RBFOX1: variants seen among roughly 807,000 people sequenced by gnomAD.
The protein encoded by RBFOX1 is RNA binding protein fox-1 homolog 1.
Under a neutral mutation model 57.7 loss-of-function variants are expected in RBFOX1, and 8 were observed. The ratio of observed to expected loss-of-function variants is 0.14; its 90% CI spans 0.08 to 0.25. The LOEUF (loss-of-function observed/expected upper bound fraction) is 0.25. Ranked by LOEUF, RBFOX1 falls within the 10% of genes least tolerant of loss-of-function variation. The pLI, the probability that RBFOX1 is intolerant of heterozygous loss-of-function variation, is 1.00. For synonymous variants in RBFOX1, 326 were observed against 222.4 expected (o/e 1.47, Z -4.15); for missense variants, 611 against 548.5 (o/e 1.11, Z -1.14).
intron 2 of RBFOX1, among the ~76,000 whole-genome samples, chr16:6,318,330 A>T (rs760542740): frequency 5.9e-5 from 9 of 152,164 alleles, no homozygotes; most frequent in Non-Finnish European, 1.2e-4. Flanking sequence ...AGGCTTCGGC[A>T]TTTCTTGAAA....
chr16:5,626,033 CG>C (rs1567315129), intron 3 of RBFOX1, among the ~76,000 whole-genome samples: 1 of 152,168 alleles, frequency 6.6e-6, no homozygotes, highest in African/African-American at 2.4e-5. Context: ...TGTGCCACCA[CG>C]CCTGGCTAAT....
intron 3 of RBFOX1, among the ~76,000 whole-genome samples, chr16:6,950,996 T>C (rs4786132): frequency 0.15 from 22,034 of 151,820 alleles, 1,940 homozygotes; most frequent in Non-Finnish European, 0.19. Context: ...GCCTCAAACT[T>C]CTAGGCTCCA....
At chr16:7,144,527 C>T (rs2127067) in intron 4 of RBFOX1, among the ~76,000 whole-genome samples, 113,977 of 150,200 alleles carry the variant, frequency 0.76, 46,111 homozygotes, top group East Asian at 1. Context: ...CAGGCTCAAG[C>T]GATGTTCCTG....
rs369377778 is a variant in RBFOX1, at chr16:6,265,902, G to A, written c.-126-51093G>A. Among the ~76,000 whole-genome samples, 8 of 152,090 alleles carry A rather than the reference G, an allele frequency of 5.3e-5. No individual in the cohort carries two copies. The East Asian group carries it at 1.2e-3, about 22-fold the overall frequency. ...TTGAAAACCCTGTCTTCCTAGAAGA[G>A]TCATACCACTTTCTCTTCACATGCA... On this transcript the variant is annotated intron_variant, in intron 1 of 15. Coordinates refer to ENST00000550418, the MANE Select transcript of RBFOX1 (RefSeq NM_018723.4).
At chr16:7,283,611 C>T (rs976726638) in intron 4 of RBFOX1, among the ~76,000 whole-genome samples, 1 of 152,138 alleles carries the variant, frequency 6.6e-6, no homozygotes, top group African/African-American at 2.4e-5. Flanking sequence ...CACCACTCAG[C>T]CTCACCGTCC....
At chr16:6,796,235 G>GA (rs2084008647) in intron 3 of RBFOX1, among the ~76,000 whole-genome samples, 1 of 152,074 alleles carries the variant, frequency 6.6e-6, no homozygotes, top group Non-Finnish European at 1.5e-5. Context: ...ACTATGAAGA[G>GA]AACAGTGAAG....
At chr16:6,621,972 A>G (rs2098239436) in intron 2 of RBFOX1, among the ~76,000 whole-genome samples, 1 of 152,152 alleles carries the variant, frequency 6.6e-6, no homozygotes, top group Non-Finnish European at 1.5e-5. Flanking sequence ...GTGCTACATA[A>G]TTGCTGCTAG....
At chr16:5,262,063 A>T (rs577548540) in intron 1 of RBFOX1, among the ~76,000 whole-genome samples, 1 of 152,238 alleles carries the variant, frequency 6.6e-6, no homozygotes. Context: ...TAAAAGAAAC[A>T]CACAACGTAT....
chr16:6,663,829 C>G (rs562275186), intron 3 of RBFOX1, among the ~76,000 whole-genome samples: 1 of 152,248 alleles, frequency 6.6e-6, no homozygotes, highest in South Asian at 2.1e-4. Context: ...GCATCCTGGG[C>G]CAGGTGCAGA....
chr16:7,416,521 T>C (rs1568757256), intron 4 of RBFOX1, among the ~76,000 whole-genome samples: 1 of 152,038 alleles, frequency 6.6e-6, no homozygotes, highest in Non-Finnish European at 1.5e-5. Flanking sequence ...GTAGACAAGA[T>C]GGGGACAATT....
At chr16:5,501,421 T>C (rs562353546) in intron 2 of RBFOX1, among the ~76,000 whole-genome samples, 16 of 149,492 alleles carry the variant, frequency 1.1e-4, no homozygotes, top group African/African-American at 4.0e-4. Flanking sequence ...GCAGACAAAC[T>C]ATGCGGACGC....
At chr16:5,907,138 C>A (rs984534606) in intron 4 of RBFOX1, among the ~76,000 whole-genome samples, 1 of 152,058 alleles carries the variant, frequency 6.6e-6, no homozygotes, top group Non-Finnish European at 1.5e-5. Context: ...TTCTGTGACA[C>A]CTTAAAATTT....
chr16:5,404,656 T>G (rs56714706), intron 1 of RBFOX1, among the ~76,000 whole-genome samples: 32,334 of 152,176 alleles, frequency 0.21, 3,607 homozygotes, highest in Middle Eastern at 0.25. Context: ...ACCCCTATTC[T>G]GTGCACAGAT....
chr16:6,148,546 A>G (rs1597793125), intron 1 of RBFOX1, among the ~76,000 whole-genome samples: 1 of 152,134 alleles, frequency 6.6e-6, no homozygotes, highest in South Asian at 2.1e-4. Context: ...GGAAAACCTT[A>G]TCAAATTAGG....
intron 1 of RBFOX1, among the ~76,000 whole-genome samples, chr16:5,454,957 T>C (rs1229161426): frequency 1.6e-5 from 1 of 63,578 alleles, no homozygotes; most frequent in Non-Finnish European, 3.3e-5. Context: ...CTTCCTTCCT[T>C]CCTTTCTTTC....
intron 1 of RBFOX1, among the ~76,000 whole-genome samples, chr16:5,291,398 G>A (rs2063532156): frequency 6.6e-6 from 1 of 151,996 alleles, no homozygotes; most frequent in Admixed American, 6.5e-5. Context: ...GAGTAGCTGG[G>A]ACTACAGGCA....
rs146920644 is a variant in RBFOX1, at chr16:5,943,357, C to G, written c.351+76022C>G. On this transcript the variant is annotated intron_variant, in intron 4 of 19. Coordinates refer to the RBFOX1 transcript ENST00000641259. Reference sequence around the variant, plus strand: ...AGAATTTGAGAATCATGGGGCTAAACCGTTGATACCAAGCCTTGTAGGGTT... The same window carrying G: ...AGAATTTGAGAATCATGGGGCTAAAGCGTTGATACCAAGCCTTGTAGGGTT... Among the ~76,000 whole-genome samples the G allele has an allele frequency of 2.7e-3, 410 of 152,300 alleles. 2 individuals carry two copies. The highest frequency in any genetic ancestry group is 9.1e-3 in the African/African-American group (380 of 41,566).
At chr16:7,306,542 T>C (rs750622552) in intron 4 of RBFOX1, among the ~76,000 whole-genome samples, 1 of 151,552 alleles carries the variant, frequency 6.6e-6, no homozygotes, top group Non-Finnish European at 1.5e-5. Context: ...TGAAAGTGTT[T>C]ATAATGTGAT....
chr16:5,993,038 G>C (rs565611235), intron 4 of RBFOX1, among the ~76,000 whole-genome samples: 35 of 152,282 alleles, frequency 2.3e-4, no homozygotes, highest in African/African-American at 8.2e-4. Flanking sequence ...CTGGGCTTGA[G>C]CCTGATCTTT....
Sources: gnomAD v4.1 joint callset for allele counts (sites outside exome capture counted in the v4.1 genomes callset) on GRCh38, gnomAD v4.1.1 for gene constraint, MANE v1.5 for transcripts, NCBI Gene and HGNC (gene_info 2026-07-23, HGNC 2026-07-21) for gene names.